Variants in RHOT2 observed in about 807,000 individuals in gnomAD.
RHOT2 encodes mitochondrial Rho GTPase 2.
RHOT2 carries 90 observed loss-of-function variants against 81.6 expected under a neutral mutation model. That is an observed-to-expected ratio of 1.10 (90% confidence interval 0.93 to 1.31). The LOEUF is 1.31. Ranked by LOEUF, RHOT2 falls within the 40% of genes most tolerant of loss-of-function variation. The pLI is 0.00. For synonymous variants in RHOT2, 512 were observed against 370.9 expected, an observed-to-expected ratio of 1.38 and a Z score of -4.37; for missense variants, 1,014 against 841.9, an observed-to-expected ratio of 1.20 and a Z score of -2.53.
At chr16:669,163 G>C (rs569333324) in intron 4 of RHOT2, 3 of 395,372 alleles carry the variant, frequency 7.6e-6, no homozygotes, top group East Asian at 5.1e-5. Context: ...TGTAGCGAGG[G>C]GGGAGGCAGG....
chr16:668,830 G>A (rs2038389905), intron 4 of RHOT2, 131 bp downstream of exon 4: 2 of 983,602 alleles, frequency 2.0e-6, no homozygotes, highest in Non-Finnish European at 2.9e-6. Flanking sequence ...TCCGCACTGA[G>A]GGTTGTCGGG....
At position 671,127 on chromosome 16, in the gene RHOT2, G is replaced by A. The variant is rs202046250; in HGVS notation, c.793G>A (p.Glu265Lys). The A allele has an allele frequency of 8.1e-6, 13 of 1,607,896 alleles. No individual in the cohort carries two copies. Among genetic ancestry groups the A allele is most frequent in the South Asian group, 1.1e-5 (1 of 90,962 alleles). ...GCTCTTCATCCAGCGCGGCCGGCAC[G>A]AGACCACCTGGACCATCCTGCGGCG... ...NTLFIQRGRH[E>K]TTWTILRRFG... The change falls in exon 11 of 19, where the codon GAG becomes AAG. Residue 265 changes from glutamate to lysine, a missense_variant. Physicochemically the swap from Glu to Lys is moderately conservative, Grantham distance 56. Coordinates refer to ENST00000315082, the MANE Select transcript of RHOT2 (RefSeq NM_138769.3).
intron 5 of RHOT2, 122 bp from the exon 6 acceptor site, chr16:670,001 G>A (rs2038645075): frequency 2.3e-6 from 2 of 884,744 alleles, no homozygotes; most frequent in Non-Finnish European, 3.4e-6. Context: ...CTGTGGCCGG[G>A]ACTTGGGCCC....
At chr16:670,601 C>G (rs749721471) in intron 8 of RHOT2, 44 bp downstream of exon 8, 1 of 1,599,870 alleles carries the variant, frequency 6.3e-7, no homozygotes, top group South Asian at 1.1e-5. Context: ...CCCAGGGGCC[C>G]AGGGGGTGCT....
At chr16:669,365 C>A in intron 4 of RHOT2, 188 bp from the exon 5 acceptor site, 1 of 622,094 alleles carries the variant, frequency 1.6e-6, no homozygotes, top group East Asian at 2.8e-5. Flanking sequence ...CTGGGGAGTG[C>A]CTGCTCTGCC....
chr16:671,547 A>C, intron 11 of RHOT2, 150 bp from the exon 12 acceptor site: 5 of 831,812 alleles, frequency 6.0e-6, no homozygotes, highest in Non-Finnish European at 9.3e-6. Context: ...CTCCTCCCCT[A>C]TCGCAGCTGC....
At chr16:669,011 C>G (rs1056160548) in intron 4 of RHOT2, 6 of 472,366 alleles carry the variant, frequency 1.3e-5, no homozygotes, top group Non-Finnish European at 2.2e-5. Flanking sequence ...TGCTCCAGCC[C>G]ACCGTCCCGG....
In RHOT2 at chr16:668,431, C is replaced by G; in HGVS notation, c.96+20C>G. 1 of 1,548,444 alleles carries G rather than the reference C, an allele frequency of 6.5e-7. No individual in the cohort carries two copies. Among genetic ancestry groups the G allele is most frequent in the Middle Eastern group, 1.8e-4 (1 of 5,434 alleles). On this transcript the variant is annotated intron_variant, in intron 2 of 18. Transcript: ENST00000315082. ...GAGGAGGTAAGGGGCACGCCCGCCG[C>G]GGGGGTGGGAGCGGGCCCAGCCGGG... is the stretch of plus-strand genomic sequence containing the variant.
intron 11 of RHOT2, 134 bp from the exon 12 acceptor site, chr16:671,563 C>CG (rs2038940541): frequency 4.1e-6 from 4 of 970,598 alleles, no homozygotes; most frequent in Non-Finnish European, 6.2e-6. Context: ...GCTGCAAGGT[C>CG]GGGGGCGTAC....
In RHOT2 at chr16:671,077, G is replaced by A. The variant is rs1158975788; in HGVS notation, c.749-6G>A. 6.2e-7 allele frequency: 1 copy of A among 1,609,036 alleles called. No individual in the cohort carries two copies. The highest frequency in any genetic ancestry group is 1.7e-5 in the Admixed American group (1 of 59,976). On this transcript the variant is annotated splice_polypyrimidine_tract_variant and splice_region_variant and intron_variant, in intron 10 of 18. Transcript: ENST00000315082. ...CTGGTGCTCCCCCTGCTTTGTCTCG[G>A]TGCAGGTTTCCTCTTCCTGAACACG...
rs746818600 is a variant in RHOT2 at position 672,755 on chromosome 16, G to A, written c.1457G>A (p.Cys486Tyr). 1 of 1,612,690 alleles carries A rather than the reference G, an allele frequency of 6.2e-7. No homozygotes were observed. Among genetic ancestry groups the A allele is most frequent in the Non-Finnish European group, 8.5e-7 (1 of 1,180,004 alleles). Reference protein sequence around the residue: ...GLLATSLDATCDVACLMFDGS... With the variant: ...GLLATSLDATYDVACLMFDGS... ...CTGGCCACATCGCTGGACGCCACCT[G>A]TGACGTTGCCTGCTTGATGTTTGAT... The change falls in exon 17 of 19, where the codon TGT becomes TAT. Residue 486 changes from cysteine (C) to tyrosine (Y), a missense_variant. Cys to Tyr is a radical substitution (Grantham distance 194). Coordinates refer to ENST00000315082, the MANE Select transcript of RHOT2 (RefSeq NM_138769.3).
intron 13 of RHOT2, 38 bp downstream of exon 13, chr16:672,040 C>T: frequency 1.2e-6 from 2 of 1,612,086 alleles, no homozygotes; most frequent in East Asian, 2.2e-5. Context: ...TGCCGCACCA[C>T]CCTCCCCACC....
Position 670,110 on chromosome 16 carries a change from C to T in RHOT2, c.277-13C>T. ...CGGGCAGCCTCACTTCACAGCCAGG[C>T]TTTGCTTTTCAGATTCGAACTAAGT... On this transcript the variant is annotated splice_polypyrimidine_tract_variant and intron_variant, in intron 5 of 18. Coordinates refer to ENST00000315082, the MANE Select transcript of RHOT2 (RefSeq NM_138769.3). 4 of 1,555,578 alleles carry T rather than the reference C, an allele frequency of 2.6e-6. No individual in the cohort carries two copies. The highest frequency in any genetic ancestry group is 3.5e-6 in the Non-Finnish European group (4 of 1,152,246).
At chr16:668,805 G>C in intron 4 of RHOT2, 106 bp downstream of exon 4, 1 of 1,262,122 alleles carries the variant, frequency 7.9e-7, no homozygotes, top group South Asian at 1.4e-5. Flanking sequence ...CCTTGGCCCT[G>C]ATAATTCTGT....
chr16:671,640 C>A (rs1002235239), intron 11 of RHOT2, 57 bp from the exon 12 acceptor site: 19 of 1,553,176 alleles, frequency 1.2e-5, no homozygotes, highest in Non-Finnish European at 1.6e-5. Context: ...GACAGATGGG[C>A]TGAGCGTGGT....
intron 18 of RHOT2, 39 bp from the exon 19 acceptor site, chr16:673,441 G>A: frequency 1.3e-5 from 21 of 1,611,936 alleles, no homozygotes; most frequent in Non-Finnish European, 1.7e-5. Flanking sequence ...CTGGGGGCAT[G>A]TGCCTGAGGT....
intron 7 of RHOT2, 44 bp from the exon 8 acceptor site, chr16:670,412 G>T: frequency 4.4e-6 from 7 of 1,608,336 alleles, no homozygotes; most frequent in Non-Finnish European, 5.9e-6. Context: ...CTCAGTCGGT[G>T]CCCTCCTCGG....
Position 668,303 on chromosome 16 carries a change from G to C in RHOT2, c.38-50G>C. ...AGGCGGGGTGAGGGTCTCGGGGGTC[G>C]GGGGGCGCCGTGACCTTGGCCCTCG... On this transcript the variant is annotated intron_variant, in intron 1 of 18. Transcript: ENST00000315082. The C allele has an allele frequency of 6.2e-6, 8 of 1,299,064 alleles. No individual in the cohort carries two copies. In the South Asian group the frequency reaches 6.4e-5, roughly 10 times the overall value. 80.5% of individuals were successfully genotyped at this position (1,299,064 alleles called of 1,614,324 possible).
rs201458743 is a variant in RHOT2, at chr16:672,113, G to A, written c.1127G>A (p.Cys376Tyr). ...TLVTYLDVRS[C>Y]LGHLGYLGYP... is the part of the protein sequence containing the mutation. The stretch of plus-strand genomic sequence containing the variant: ...GTGACCTACCTGGACGTCCGGAGCT[G>A]CCTTGGACACCTAGGCTACCTGGGC... Residue 376 changes from cysteine to tyrosine, a missense_variant, in exon 14 of 19, where the codon TGC becomes TAC. Cys to Tyr is a radical substitution (Grantham distance 194). Transcript: ENST00000315082. 6.2e-7 allele frequency: 1 copy of A among 1,612,526 alleles called. No homozygotes were observed. The highest frequency in any genetic ancestry group is 1.7e-5 in the Admixed American group (1 of 60,004).
Sources: allele counts gnomAD v4.1 joint callset, GRCh38; gene constraint gnomAD v4.1.1; transcripts MANE v1.5; gene names NCBI Gene and HGNC (gene_info 2026-07-23, HGNC 2026-07-21).